The following BCAS1 variants were observed in gnomAD, a reference collection of about 807,000 sequenced individuals.
The protein encoded by BCAS1 is brain enriched myelin associated protein 1, also known as breast carcinoma-amplified sequence 1.
Under a neutral mutation model 65.4 loss-of-function variants are expected in BCAS1, and 46 were observed. The ratio of observed to expected loss-of-function variants is 0.70; its 90% CI spans 0.55 to 0.90. BCAS1 has a LOEUF of 0.90. Among genes scored for constraint, BCAS1 ranks in the 40% least tolerant of loss-of-function variants. The pLI is 0.00. For synonymous variants in BCAS1, 298 were observed against 293.5 expected, an observed-to-expected ratio of 1.02 and a Z score of -0.16; for missense variants, 793 against 771.2, an observed-to-expected ratio of 1.03 and a Z score of -0.33.
intron 4 of BCAS1, among the ~76,000 whole-genome samples, chr20:54,010,501 C>A (rs6022916): frequency 0.27 from 41,277 of 151,884 alleles, 6,024 homozygotes; most frequent in East Asian, 0.63. Flanking sequence ...AATAATCATA[C>A]GAAAATGAAA....
chr20:54,034,780 C>G (rs1209017657), intron 3 of BCAS1, among the ~76,000 whole-genome samples: 1 of 151,276 alleles, frequency 6.6e-6, no homozygotes, highest in Non-Finnish European at 1.5e-5. Flanking sequence ...CCAGAGAAAA[C>G]TATTTTAAAA....
At chr20:53,967,367 A>G (rs2276512) in intron 9 of BCAS1, among the ~76,000 whole-genome samples, 1,574 of 152,272 alleles carry the variant, frequency 0.01, 45 homozygotes, top group East Asian at 0.099. Flanking sequence ...TCAATACCCA[A>G]TCAAATCTAG....
chr20:54,004,206 C>T (rs565771586), intron 4 of BCAS1, among the ~76,000 whole-genome samples: 5 of 152,250 alleles, frequency 3.3e-5, no homozygotes, highest in African/African-American at 4.8e-5. Context: ...GAGACCCCAG[C>T]GAGCGTTCTA....
intron 9 of BCAS1, among the ~76,000 whole-genome samples, chr20:53,969,434 A>G (rs528440092): frequency 6.6e-6 from 1 of 152,132 alleles, no homozygotes; most frequent in Admixed American, 6.5e-5. Flanking sequence ...TTTTTTTATA[A>G]ATAGCATCAA....
chr20:54,058,613 T>TTTTG, intron 2 of BCAS1, 34 bp downstream of exon 2: 2 of 1,534,278 alleles, frequency 1.3e-6, no homozygotes, highest in Non-Finnish European at 1.7e-6. Flanking sequence ...TTTTTTTTTT[T>TTTTG]CTGCTGATGC....
intron 3 of BCAS1, among the ~76,000 whole-genome samples, chr20:54,048,648 G>C (rs2092155040): frequency 6.6e-6 from 1 of 152,210 alleles, no homozygotes; most frequent in Admixed American, 6.5e-5. Flanking sequence ...GTTTTGATGA[G>C]GCTGTCAGAC....
chr20:53,957,566 G>A (rs2145552499), intron 10 of BCAS1, 69 bp from the exon 11 acceptor site: 1 of 1,399,928 alleles, frequency 7.1e-7, no homozygotes, highest in East Asian at 2.3e-5. Context: ...AGAAAGTTCT[G>A]AAATGGATGA....
At chr20:53,986,038 C>T (rs2090607136) in intron 7 of BCAS1, among the ~76,000 whole-genome samples, 1 of 152,224 alleles carries the variant, frequency 6.6e-6, no homozygotes, top group Admixed American at 6.5e-5. Flanking sequence ...TAGTAAAAGG[C>T]AACTAGGCTG....
chr20:53,949,789 T>C (rs1422353881), intron 12 of BCAS1, among the ~76,000 whole-genome samples: 1 of 152,134 alleles, frequency 6.6e-6, no homozygotes, highest in Non-Finnish European at 1.5e-5. Context: ...GGCTTATGTG[T>C]CTGGGAGGTG....
At chr20:53,976,394 T>G (rs1213988137) in intron 8 of BCAS1, among the ~76,000 whole-genome samples, 3 of 152,186 alleles carry the variant, frequency 2.0e-5, no homozygotes, top group Non-Finnish European at 4.4e-5. Context: ...TTAAGAACTC[T>G]GTCTATATCC....
chr20:54,060,335 C>T (rs1021700549), intron 1 of BCAS1, among the ~76,000 whole-genome samples: 4 of 152,072 alleles, frequency 2.6e-5, no homozygotes, highest in East Asian at 1.9e-4. Context: ...TTTTTTGAGA[C>T]GGAGTCTCTC....
intron 8 of BCAS1, among the ~76,000 whole-genome samples, chr20:53,980,311 A>G (rs962777312): frequency 2.0e-5 from 3 of 152,222 alleles, no homozygotes; most frequent in Non-Finnish European, 2.9e-5. Context: ...AACAGGGCTG[A>G]GGCCAGATTC....
intron 4 of BCAS1, among the ~76,000 whole-genome samples, chr20:53,997,248 T>C (rs1312286806): frequency 2.6e-5 from 4 of 152,256 alleles, no homozygotes. Context: ...TCAGTGCTTT[T>C]CTCAAGTACC....
intron 4 of BCAS1, among the ~76,000 whole-genome samples, chr20:54,024,155 A>C (rs1016237818): frequency 2.6e-5 from 4 of 152,230 alleles, no homozygotes; most frequent in African/African-American, 9.6e-5. Context: ...CTTGCCCAAG[A>C]TCACACAGCC....
At chr20:53,949,433 C>T (rs563311021) in intron 12 of BCAS1, among the ~76,000 whole-genome samples, 5 of 152,312 alleles carry the variant, frequency 3.3e-5, no homozygotes, top group African/African-American at 9.6e-5. Flanking sequence ...ACGAGGACGT[C>T]ACTGTGAGAC....
intron 12 of BCAS1, among the ~76,000 whole-genome samples, chr20:53,948,969 G>A (rs963362547): frequency 6.6e-6 from 1 of 152,166 alleles, no homozygotes; most frequent in African/African-American, 2.4e-5. Context: ...CCACACCAGT[G>A]TGGACAGATG....
chr20:54,016,612 A>T (rs756742392), intron 4 of BCAS1, among the ~76,000 whole-genome samples: 6 of 152,250 alleles, frequency 3.9e-5, no homozygotes, highest in Non-Finnish European at 8.8e-5. Context: ...CATACTGCCA[A>T]AGCGCCACGG....
intron 3 of BCAS1, among the ~76,000 whole-genome samples, chr20:54,052,337 A>G (rs148238654): frequency 6.2e-4 from 95 of 152,312 alleles, no homozygotes; most frequent in East Asian, 5.0e-3. Context: ...AGAATTTTAT[A>G]TAAGTGGAAT....
Position 53,986,466 on chromosome 20 carries a change from T to C in BCAS1, c.1063-967A>G, listed in dbSNP as rs533999550. On this transcript the variant is annotated intron_variant, in intron 7 of 12. Coordinates refer to ENST00000688948, the MANE Select transcript of BCAS1 (RefSeq NM_001366298.2). ...ATTTTAACATCAGGTTCATCTGACC[T>C]AACCTCTTAATCCTAAACATCTTCA... Among the ~76,000 whole-genome samples, 94 of 151,926 alleles carry C rather than the reference T, an allele frequency of 6.2e-4. 1 individual carries two copies. The highest frequency in any genetic ancestry group is 2.1e-3 in the African/African-American group (85 of 41,160).
Sources: allele counts gnomAD v4.1 joint callset (sites outside exome capture counted in the v4.1 genomes callset), GRCh38; gene constraint gnomAD v4.1.1; transcripts MANE v1.5; gene names NCBI Gene and HGNC (gene_info 2026-07-23, HGNC 2026-07-21).